Variants in ABCA5 observed in about 807,000 individuals in gnomAD.
ABCA5 encodes cholesterol transporter ABCA5.
Under a neutral mutation model 206.0 loss-of-function variants are expected in ABCA5, and 163 were observed. The observed-to-expected ratio is 0.79, with a 90% confidence interval of 0.70 to 0.90. The LOEUF is 0.90. Ranked by LOEUF, ABCA5 falls within the 40% of genes least tolerant of loss-of-function variation. The probability of loss-of-function intolerance (pLI) is 0.00; values close to 1 mark genes in which losing one functional copy is unlikely to be tolerated. For synonymous variants in ABCA5, 609 were observed against 613.8 expected (o/e 0.99, Z 0.11); for missense variants, 1,859 against 1,912.9 (o/e 0.97, Z 0.53).
intron 9 of ABCA5, among the ~76,000 whole-genome samples, chr17:69,300,596 T>C (rs1364714845): frequency 3.9e-5 from 6 of 152,354 alleles, no homozygotes; most frequent in Admixed American, 2.6e-4. Flanking sequence ...AAATAAATTG[T>C]TAATTGATTT....
At chr17:69,291,370 G>T in intron 11 of ABCA5, 44 bp from the exon 12 acceptor site, 1 of 1,189,108 alleles carries the variant, frequency 8.4e-7, no homozygotes, top group Non-Finnish European at 1.2e-6. Flanking sequence ...TTTTATGTCT[G>T]TTCAGCTATG....
intron 18 of ABCA5, among the ~76,000 whole-genome samples, chr17:69,281,124 C>T (rs547490125): frequency 2.6e-4 from 40 of 151,512 alleles, no homozygotes; most frequent in African/African-American, 8.5e-4. Flanking sequence ...GAATAAAATA[C>T]TACACAATTG....
At position 69,270,750 on chromosome 17, in the gene ABCA5, C is replaced by CA; in HGVS notation, c.2893-1_2893insT (p.Asp965Ter). ...TTGAAAACAGCTGCAAAAACATAGT[C>CA]CTACAATTAAAAAAAAGACACTTAT... On this transcript the variant is annotated frameshift_variant and splice_region_variant. Transcript: ENST00000392676. LOFTEE classifies it high-confidence loss of function. 2.6e-6 allele frequency: 4 copies of CA among 1,526,020 alleles called. No homozygotes were observed. Among genetic ancestry groups the CA allele is most frequent in the Non-Finnish European group, 3.5e-6 (4 of 1,143,310 alleles). The allele number at this position is 1,526,020 out of a possible 1,614,324, so 94.5% of individuals were successfully genotyped here.
At chr17:69,310,098 G>A (rs1234022200) in intron 3 of ABCA5, among the ~76,000 whole-genome samples, 2 of 152,036 alleles carry the variant, frequency 1.3e-5, no homozygotes, top group African/African-American at 4.8e-5. Flanking sequence ...TATTAGTAAT[G>A]CAGTTCATTT....
At position 69,247,625 on chromosome 17, in the gene ABCA5, T is replaced by C. The variant is rs753818317; in HGVS notation, c.4841A>G (p.Lys1614Arg). 2.5e-6 allele frequency: 4 copies of C among 1,608,872 alleles called. No individual in the cohort carries two copies. Among genetic ancestry groups the C allele is most frequent in the African/African-American group, 2.7e-5 (2 of 74,720 alleles). ...ACTATTATCTTCCTCCTCTTGTTCT[T>C]TAGTGAGTTCTACAAAAACCTAGGT... The part of the protein sequence containing the change: ...TLEQVFVELT[K>R]EQEEEDNSCG... Residue 1614 changes from lysine to arginine, a missense_variant, in exon 39 of 39, where the codon AAA (lysine) becomes AGA (arginine). By Grantham distance (26) the Lys-to-Arg change is conservative (BLOSUM62 2). Transcript: ENST00000392676.
At chr17:69,292,258 G>A (rs1002522504) in intron 11 of ABCA5, among the ~76,000 whole-genome samples, 10 of 152,278 alleles carry the variant, frequency 6.6e-5, no homozygotes, top group Admixed American at 2.0e-4. Context: ...CCCCATGAAC[G>A]TGGTATTTCT....
chr17:69,323,190 C>T (rs940396136), intron 1 of ABCA5, among the ~76,000 whole-genome samples: 1 of 152,154 alleles, frequency 6.6e-6, no homozygotes, highest in African/African-American at 2.4e-5. Context: ...TCCTAGATCA[C>T]ACCAGATGAT....
At chr17:69,309,228 A>C (rs1419733987) in intron 4 of ABCA5, 34 bp downstream of exon 4, 2 of 1,480,822 alleles carry the variant, frequency 1.4e-6, no homozygotes, top group Non-Finnish European at 1.8e-6. Flanking sequence ...ATATGCATTT[A>C]ATTGATCTTC....
chr17:69,264,191 G>A (rs373281600), intron 24 of ABCA5, among the ~76,000 whole-genome samples: 1 of 151,930 alleles, frequency 6.6e-6, no homozygotes, highest in East Asian at 1.9e-4. Context: ...TTTTCCATTT[G>A]CTTGTATCAT....
intron 20 of ABCA5, among the ~76,000 whole-genome samples, chr17:69,273,736 G>A (rs1280665162): frequency 6.6e-6 from 1 of 152,012 alleles, no homozygotes; most frequent in Non-Finnish European, 1.5e-5. Flanking sequence ...GATTACAGGT[G>A]GGAGCCATCG....
chr17:69,281,008 T>C (rs553579090), intron 18 of ABCA5, among the ~76,000 whole-genome samples: 1 of 151,806 alleles, frequency 6.6e-6, no homozygotes, highest in East Asian at 1.9e-4. Context: ...AATGTGCACA[T>C]GTACTCTAAA....
At chr17:69,314,542 A>T in intron 1 of ABCA5, 112 bp from the exon 2 acceptor site, 1 of 632,782 alleles carries the variant, frequency 1.6e-6, no homozygotes, top group Non-Finnish European at 2.8e-6. Flanking sequence ...TGGATTAAGC[A>T]TACTCCAAGC....
chr17:69,276,036 G>A (rs983494460), intron 19 of ABCA5, among the ~76,000 whole-genome samples: 34 of 137,832 alleles, frequency 2.5e-4, no homozygotes, highest in African/African-American at 9.2e-4. Context: ...CCAGTAAATG[G>A]TATTTTGTCA....
rs1399700540 is a variant in ABCA5 at position 69,327,130 on chromosome 17, C to A, written c.-94G>T. 6.7e-6 allele frequency: 1 copy of A among 148,912 alleles called. No homozygotes were observed. The highest frequency in any genetic ancestry group is 6.7e-5 in the Admixed American group (1 of 14,926). 9.2% of individuals were successfully genotyped at this position (148,912 alleles called of 1,614,324 possible). ...TCAGTGCGGGTGACCCAGCTGGGAT[C>A]TGTGCGAGGGCGCGGCCGCGCGCAC... On this transcript the variant is annotated 5_prime_UTR_variant, in exon 1 of 39. Coordinates refer to ENST00000392676, the MANE Select transcript of ABCA5 (RefSeq NM_172232.4).
chr17:69,278,376 C>T (rs890076962), intron 18 of ABCA5, among the ~76,000 whole-genome samples: 8 of 152,184 alleles, frequency 5.3e-5, no homozygotes, highest in African/African-American at 1.9e-4. Flanking sequence ...ATATCCTGAT[C>T]ATACACGAGA....
Position 69,301,204 on chromosome 17 carries a change from ATAATTG to A in ABCA5, c.1196_1201del (p.Thr399_Ile400del). 1.2e-6 allele frequency: 2 copies of A among 1,602,980 alleles called. No individual in the cohort carries two copies. Among genetic ancestry groups the A allele is most frequent in the South Asian group, 2.3e-5 (2 of 88,704 alleles). ...GAATATACTATTAAGTGTGAGCATG[ATAATTG>A]TAATAATTAGAGGATATGGGCCTGC... On this transcript the variant is annotated inframe_deletion, in exon 9 of 39. Transcript: ENST00000392676.
At chr17:69,307,425 T>C (rs547455915) in intron 5 of ABCA5, among the ~76,000 whole-genome samples, 1 of 152,150 alleles carries the variant, frequency 6.6e-6, no homozygotes, top group South Asian at 2.1e-4. Context: ...AATAAAACTA[T>C]TTATGCCACA....
At chr17:69,307,936 GA>G (rs985941002) in intron 5 of ABCA5, among the ~76,000 whole-genome samples, 16 of 151,368 alleles carry the variant, frequency 1.1e-4, no homozygotes, top group Non-Finnish European at 2.4e-4. Flanking sequence ...AGGGCAAATG[GA>G]AAAAAAAGCC....
At chr17:69,295,871 T>C (rs1399235575) in intron 10 of ABCA5, among the ~76,000 whole-genome samples, 1 of 152,204 alleles carries the variant, frequency 6.6e-6, no homozygotes, top group East Asian at 1.9e-4. Flanking sequence ...ATATATTTAC[T>C]GAAAAAAATC....
Sources: gnomAD v4.1 joint callset for allele counts (sites outside exome capture counted in the v4.1 genomes callset) on GRCh38, gnomAD v4.1.1 for gene constraint, MANE v1.5 for transcripts, NCBI Gene and HGNC (gene_info 2026-07-23, HGNC 2026-07-21) for gene names.